ZNF479: variants seen among roughly 807,000 people sequenced by gnomAD.
The protein encoded by ZNF479 is KRAB zinc finger protein KR19.
In ZNF479, 15 loss-of-function variants were observed where a neutral mutation model predicts 14.7. The observed-to-expected ratio is 1.02, with a 90% CI of 0.68 to 1.57. ZNF479 has a LOEUF of 1.57. Ranked by LOEUF, ZNF479 falls within the 40% of genes most tolerant of loss-of-function variation. The pLI, the probability that ZNF479 is intolerant of heterozygous loss-of-function variation, is 0.00. For synonymous variants in ZNF479, 145 were observed against 211.5 expected, an observed-to-expected ratio of 0.69 and a Z score of 2.73; for missense variants, 506 against 615.1, an observed-to-expected ratio of 0.82 and a Z score of 1.88.
intron 3 of ZNF479, among the ~76,000 whole-genome samples, chr7:57,122,083 A>G (rs1785979939): frequency 6.6e-6 from 1 of 152,120 alleles, no homozygotes; most frequent in African/African-American, 2.4e-5. Context: ...ACACAAAAAG[A>G]TCCGCAACAC....
At chr7:57,138,516 G>C (rs1410021318) in intron 1 of ZNF479, among the ~76,000 whole-genome samples, 1 of 152,138 alleles carries the variant, frequency 6.6e-6, no homozygotes, top group Non-Finnish European at 1.5e-5. Flanking sequence ...ATGTGGATCT[G>C]TCCAAAGGTC....
At chr7:57,124,477 C>T (rs539488974) in intron 3 of ZNF479, among the ~76,000 whole-genome samples, 36 of 152,206 alleles carry the variant, frequency 2.4e-4, no homozygotes, top group African/African-American at 7.9e-4. Flanking sequence ...AAACAAAGTA[C>T]TTAGACTAAG....
upstream of ZNF479, among the ~76,000 whole-genome samples, chr7:57,136,185 A>T (rs1393571275): frequency 6.6e-6 from 1 of 152,026 alleles, no homozygotes; most frequent in Non-Finnish European, 1.5e-5. Context: ...GGAGTTGAAG[A>T]CCAGCCCGGC....
At position 57,126,534 on chromosome 7, in the gene ZNF479, AC is replaced by A. The variant is rs1786173899; in HGVS notation, c.166+57del. On this transcript the variant is annotated intron_variant, in intron 2 of 3. Coordinates refer to ENST00000319636, the MANE Select transcript of ZNF479 (RefSeq NM_001370129.2). ...TCATGCAAAGCAGAAATTACCAAAA[AC>A]ATCTTAGAAAAGAGAAAAGCAATAT... 4 of 1,538,242 alleles carry A rather than the reference AC, an allele frequency of 2.6e-6. No individual in the cohort carries two copies. In the South Asian group the frequency reaches 3.7e-5, roughly 14 times the overall value.
In ZNF479 at chr7:57,120,661, A is replaced by C. The variant is rs782059052; in HGVS notation, c.754T>G (p.Trp252Gly). Residue 252 changes from tryptophan (W) to glycine (G), a missense_variant, in exon 4 of 4, where the codon TGG (tryptophan) becomes GGG (glycine). Trp to Gly is a radical substitution (Grantham distance 184). Transcript: ENST00000319636. ...TTATGTCTAGTAAGGTTTGCAGACC[A>C]GCTAAAGGCTTTGCCACATTCCTCA... Reference protein sequence around the residue: ...RCEECGKAFSWSANLTRHKRT... With the variant: ...RCEECGKAFSGSANLTRHKRT... The C allele has an allele frequency of 5.0e-6, 8 of 1,613,852 alleles. No homozygotes were observed. The highest frequency in any genetic ancestry group is 2.2e-5 in the East Asian group (1 of 44,878).
At chr7:57,125,557 A>G (rs1786124336) in intron 3 of ZNF479, among the ~76,000 whole-genome samples, 2 of 151,638 alleles carry the variant, frequency 1.3e-5, no homozygotes, top group Admixed American at 1.3e-4. Context: ...AAAACTTTAA[A>G]ATATATTTCA....
At chr7:57,138,627 A>G (rs1160141714) in intron 1 of ZNF479, among the ~76,000 whole-genome samples, 1 of 152,230 alleles carries the variant, frequency 6.6e-6, no homozygotes, top group Non-Finnish European at 1.5e-5. Context: ...AGCTGGGCTT[A>G]GGCCAAAAAA....
chr7:57,130,194 C>T (rs993956286), intron 1 of ZNF479, among the ~76,000 whole-genome samples: 7 of 152,130 alleles, frequency 4.6e-5, no homozygotes, highest in African/African-American at 7.2e-5. Flanking sequence ...CAATGGGCCA[C>T]GCATGTGCTG....
chr7:57,126,763 T>C (rs1323150237), intron 1 of ZNF479, 45 bp from the exon 2 acceptor site: 1 of 1,612,728 alleles, frequency 6.2e-7, no homozygotes, highest in African/African-American at 1.3e-5. Context: ...CACAAGCACT[T>C]ACCACACGGC....
Position 57,119,481 on chromosome 7 carries a change from C to T in ZNF479, c.*359G>A, listed in dbSNP as rs1431624518. On this transcript the variant is annotated 3_prime_UTR_variant, in exon 4 of 4. Transcript: ENST00000319636. ...AAATCAGCCAGTGTGGTGGCACACG[C>T]CTGTAATCCCAGCTACTCAGGAGGC... The T allele has an allele frequency of 4.5e-6, 1 of 222,240 alleles. No homozygotes were observed. Among genetic ancestry groups the T allele is most frequent in the African/African-American group, 2.4e-5 (1 of 42,416 alleles). 13.8% of individuals were successfully genotyped at this position (222,240 alleles called of 1,614,324 possible).
Position 57,120,267 on chromosome 7 carries a change from C to T in ZNF479, c.1148G>A (p.Cys383Tyr). The T allele has an allele frequency of 2.5e-6, 4 of 1,612,516 alleles. No homozygotes were observed. The highest frequency in any genetic ancestry group is 2.7e-5 in the African/African-American group (2 of 74,646). The part of the protein sequence containing the change: ...RIHTGEKPYT[C>Y]EECGQDFRRS... Reference sequence around the variant, plus strand: ...CCTAAAGTCTTGGCCACATTCTTCACATGTGTAGGGTTTCTCTCCAGTATG... The same window carrying T: ...CCTAAAGTCTTGGCCACATTCTTCATATGTGTAGGGTTTCTCTCCAGTATG... The change falls in exon 4 of 4, where the codon TGT becomes TAT. Residue 383 changes from cysteine (C) to tyrosine (Y), a missense_variant. By Grantham distance (194) the Cys-to-Tyr change is radical (BLOSUM62 -2). Transcript: ENST00000319636.
intron 2 of ZNF479, 49 bp from the exon 3 acceptor site, chr7:57,126,162 A>G: frequency 6.6e-7 from 1 of 1,520,550 alleles, no homozygotes; most frequent in South Asian, 1.2e-5. Flanking sequence ...GAATTCTTTA[A>G]TTACCAAATT....
At chr7:57,121,321 C>T (rs1785937538) in intron 3 of ZNF479, among the ~76,000 whole-genome samples, 169 bp from the exon 4 acceptor site, 1 of 152,042 alleles carries the variant, frequency 6.6e-6, no homozygotes, top group Non-Finnish European at 1.5e-5. Context: ...TCATAGTGAT[C>T]AAAATACCTT....
Position 57,120,832 on chromosome 7 carries a change from A to G in ZNF479, c.583T>C (p.Cys195Arg). The change falls in exon 4 of 4, where the codon TGC becomes CGC. Residue 195 changes from cysteine (C) to arginine (R), a missense_variant. Physicochemically the swap from Cys to Arg is radical, Grantham distance 180 (BLOSUM62 -3). Transcript: ENST00000319636. ...FKCNKYGKSF[C>R]MLSHLNQHQV... ...TGTTGATTTAGGTGTGAAAGCATGC[A>G]AAATGATTTGCCATATTTGTTACAT... The G allele has an allele frequency of 1.9e-6, 3 of 1,613,632 alleles. No homozygotes were observed. Among genetic ancestry groups the G allele is most frequent in the Non-Finnish European group, 2.5e-6 (3 of 1,179,758 alleles).
At chr7:57,139,007 T>A (rs117870900) in intron 1 of ZNF479, among the ~76,000 whole-genome samples, 3 of 152,322 alleles carry the variant, frequency 2.0e-5, no homozygotes, top group Non-Finnish European at 4.4e-5. Context: ...CTTAGGGCAA[T>A]GGGCATGATC....
At chr7:57,134,512 G>A (rs534209135), upstream of ZNF479, among the ~76,000 whole-genome samples, 1 of 152,158 alleles carries the variant, frequency 6.6e-6, no homozygotes, top group South Asian at 2.1e-4. Flanking sequence ...CCCTTGCTTA[G>A]CATATAATCA....
Position 57,132,267 on chromosome 7 carries a change from T to C in ZNF479, c.39+19A>G, listed in dbSNP as rs777087248. ...ATCAGCCCCCACCCCTCTCTCACGA[T>C]GACAGACCCAGCACTCACCATTTCT... On this transcript the variant is annotated intron_variant, in intron 1 of 3. Transcript: ENST00000319636. The C allele has an allele frequency of 1.2e-6, 2 of 1,614,016 alleles. No individual in the cohort carries two copies. Among genetic ancestry groups the C allele is most frequent in the Non-Finnish European group, 8.5e-7 (1 of 1,179,998 alleles).
At chr7:57,138,471 A>G (rs1459082500) in intron 1 of ZNF479, among the ~76,000 whole-genome samples, 1 of 152,202 alleles carries the variant, frequency 6.6e-6, no homozygotes, top group Admixed American at 6.5e-5. Context: ...CTCTCATATG[A>G]GGACACGATA....
exon 1 of ZNF479, chr7:57,139,791 G>T (rs949210301): frequency 1.3e-5 from 2 of 152,086 alleles, no homozygotes; most frequent in African/African-American, 4.8e-5. Context: ...CTTTTTTCTG[G>T]GTTCTAATTA....
Sources: gnomAD v4.1 joint callset for allele counts (sites outside exome capture counted in the v4.1 genomes callset) on GRCh38, gnomAD v4.1.1 for gene constraint, MANE v1.5 for transcripts, NCBI Gene and HGNC (gene_info 2026-07-23, HGNC 2026-07-21) for gene names.